Variants in TNR observed in about 807,000 individuals in gnomAD.
TNR encodes tenascin-R.
Under a neutral mutation model 150.4 loss-of-function variants are expected in TNR, and 45 were observed. That is an observed-to-expected ratio of 0.30 (90% CI 0.24 to 0.38). The LOEUF (loss-of-function observed/expected upper bound fraction) is 0.38. TNR is among the 10% of genes least tolerant of loss of function. The pLI, the probability that TNR is intolerant of heterozygous loss-of-function variation, is 1.00. For missense variants in TNR, 1,544 were observed against 1,759.1 expected, an observed-to-expected ratio of 0.88 and a Z score of 2.19; for synonymous variants, 687 against 678.4, an observed-to-expected ratio of 1.01 and a Z score of -0.20.
chr1:175,590,459 G>A (rs186457880), intron 1 of TNR, among the ~76,000 whole-genome samples: 2 of 152,222 alleles, frequency 1.3e-5, no homozygotes, highest in Admixed American at 1.3e-4. Flanking sequence ...TTTAGACCTG[G>A]TCCTGTTGAG....
chr1:175,434,576 A>C (rs1451792040), intron 2 of TNR, among the ~76,000 whole-genome samples: 1 of 152,210 alleles, frequency 6.6e-6, no homozygotes, highest in Non-Finnish European at 1.5e-5. Flanking sequence ...TGAAACCTTG[A>C]AATGTCTCCC....
chr1:175,329,858 A>G (rs1453973137), intron 21 of TNR, among the ~76,000 whole-genome samples: 2 of 152,224 alleles, frequency 1.3e-5, no homozygotes, highest in Non-Finnish European at 2.9e-5. Context: ...AGATGATGAA[A>G]CTGAAGTCCT....
chr1:175,392,245 A>G (rs1445296703), intron 6 of TNR, among the ~76,000 whole-genome samples: 1 of 152,094 alleles, frequency 6.6e-6, no homozygotes, highest in Non-Finnish European at 1.5e-5. Context: ...GTCCTTAGAA[A>G]TGGAGGAGAC....
chr1:175,720,437 T>C (rs1195215228), intron 1 of TNR, among the ~76,000 whole-genome samples: 1 of 152,232 alleles, frequency 6.6e-6, no homozygotes, highest in Non-Finnish European at 1.5e-5. Context: ...TGGTGTTTCA[T>C]TATGGCAGCC....
intron 1 of TNR, among the ~76,000 whole-genome samples, chr1:175,731,019 T>C (rs1404742102): frequency 6.6e-6 from 1 of 152,202 alleles, no homozygotes; most frequent in Non-Finnish European, 1.5e-5. Flanking sequence ...CATTCAGCAC[T>C]AAGCTACTAA....
intron 21 of TNR, among the ~76,000 whole-genome samples, chr1:175,326,953 C>G (rs1649433896): frequency 6.6e-6 from 1 of 151,790 alleles, no homozygotes; most frequent in African/African-American, 2.4e-5. Flanking sequence ...GGTGTGAGCC[C>G]AGCCCTTTTA....
At chr1:175,463,744 T>C (rs1571476950) in intron 2 of TNR, among the ~76,000 whole-genome samples, 1 of 152,206 alleles carries the variant, frequency 6.6e-6, no homozygotes, top group Non-Finnish European at 1.5e-5. Flanking sequence ...TGGTTTAGAT[T>C]GATCAAGATT....
intron 2 of TNR, among the ~76,000 whole-genome samples, chr1:175,440,372 T>C (rs1248144540): frequency 6.2e-5 from 8 of 128,556 alleles, no homozygotes; most frequent in Admixed American, 3.9e-4. Context: ...CCGGGGACTG[T>C]TGTGGGGTGG....
chr1:175,601,110 A>G (rs1412511673), intron 1 of TNR, among the ~76,000 whole-genome samples: 1 of 152,256 alleles, frequency 6.6e-6, no homozygotes, highest in African/African-American at 2.4e-5. Context: ...ATATGTAGAA[A>G]CATGAAGGTA....
intron 1 of TNR, among the ~76,000 whole-genome samples, chr1:175,718,197 C>T (rs1300061079): frequency 6.6e-6 from 1 of 152,146 alleles, no homozygotes; most frequent in African/African-American, 2.4e-5. Context: ...AACAAAATAT[C>T]ATGTAGAGCC....
chr1:175,591,377 C>G (rs1662791368), intron 1 of TNR, among the ~76,000 whole-genome samples: 1 of 152,138 alleles, frequency 6.6e-6, no homozygotes, highest in African/African-American at 2.4e-5. Flanking sequence ...ATTAATAAGC[C>G]CTTGAGACCC....
At chr1:175,686,832 A>T (rs1666214391) in intron 1 of TNR, among the ~76,000 whole-genome samples, 2 of 152,128 alleles carry the variant, frequency 1.3e-5, no homozygotes, top group African/African-American at 4.8e-5. Flanking sequence ...CATTCTTTTT[A>T]TGGCTGCGTA....
rs1174868287 is a variant in TNR at position 175,594,857 on chromosome 1, TAAA to T, written c.-164-66491_-164-66489del. 2.7e-3 allele frequency among the ~76,000 whole-genome samples: 279 copies of T among 102,998 alleles called. 1 individual carries two copies. The highest frequency in any genetic ancestry group is 8.8e-3 in the African/African-American group (261 of 29,572). The allele number at this position is 102,998 out of a possible 152,430, so 67.6% of individuals were successfully genotyped here. A position where few individuals can be genotyped will look rare whatever the true frequency, so the allele number is the denominator to read the frequency against. Reference sequence around the variant, plus strand: ...GGGCAACAGAGTGAGACCTTGTTTCTAAAAAAAAAAAAAAAAAAAATTATTGGC... The same window carrying T: ...GGGCAACAGAGTGAGACCTTGTTTCTAAAAAAAAAAAAAAAAATTATTGGC... On this transcript the variant is annotated intron_variant, in intron 1 of 22. Transcript: ENST00000367674.
chr1:175,603,210 GA>G (rs1663305338), intron 1 of TNR, among the ~76,000 whole-genome samples: 1 of 152,334 alleles, frequency 6.6e-6, no homozygotes, highest in Non-Finnish European at 1.5e-5. Flanking sequence ...TCCAGTGACA[GA>G]GACCTTTTTT....
chr1:175,424,864 T>A (rs1287518688), intron 2 of TNR, among the ~76,000 whole-genome samples: 1 of 152,076 alleles, frequency 6.6e-6, no homozygotes, highest in African/African-American at 2.4e-5. Context: ...CTGGAGCACG[T>A]GCTCAGAAAG....
intron 4 of TNR, among the ~76,000 whole-genome samples, chr1:175,402,354 T>C (rs1352661405): frequency 7.6e-6 from 1 of 132,044 alleles, no homozygotes; most frequent in Non-Finnish European, 1.7e-5. Context: ...TCAGCCCCAA[T>C]GAGATACTTT....
At chr1:175,436,202 A>G (rs1655500505) in intron 2 of TNR, among the ~76,000 whole-genome samples, 1 of 152,088 alleles carries the variant, frequency 6.6e-6, no homozygotes, top group South Asian at 2.1e-4. Context: ...TAGATTGGGG[A>G]AGTTCTCTTG....
chr1:175,430,789 A>G (rs1655228009), intron 2 of TNR, among the ~76,000 whole-genome samples: 1 of 152,236 alleles, frequency 6.6e-6, no homozygotes, highest in African/African-American at 2.4e-5. Flanking sequence ...GTCTTTAGAT[A>G]AAACTTGTTT....
At chr1:175,742,288 C>A (rs376438470) in intron 1 of TNR, among the ~76,000 whole-genome samples, 2 of 152,180 alleles carry the variant, frequency 1.3e-5, no homozygotes, top group Non-Finnish European at 1.5e-5. Context: ...GAACAGAGTA[C>A]CACTTCAAGC....
Sources: gnomAD v4.1 joint callset for allele counts (sites outside exome capture counted in the v4.1 genomes callset) on GRCh38, gnomAD v4.1.1 for gene constraint, MANE v1.5 for transcripts, NCBI Gene and HGNC (gene_info 2026-07-23, HGNC 2026-07-21) for gene names.